The following CNOT1 variants were observed in gnomAD, a reference collection of about 807,000 sequenced individuals.
CNOT1 encodes the protein CCR4-NOT transcription complex subunit 1.
Under a neutral mutation model 273.8 loss-of-function variants are expected in CNOT1, and 15 were observed. That is an observed-to-expected ratio of 0.05 (90% CI 0.04 to 0.08). The LOEUF is 0.08. Ranked by LOEUF, CNOT1 falls within the 10% of genes least tolerant of loss-of-function variation. The pLI is 1.00. For synonymous variants in CNOT1, 1,022 were observed against 1,005.5 expected (o/e 1.02, Z -0.31); for missense variants, 1,644 against 2,912.2 (o/e 0.56, Z 10.02).
rs948445784 is a variant in CNOT1, at chr16:58,578,896, C to T, written c.1387G>A (p.Val463Ile). The change falls in exon 13 of 49, where the codon GTT becomes ATT. Residue 463 changes from valine to isoleucine, a missense_variant. Physicochemically the swap from Val to Ile is conservative, Grantham distance 29. Transcript: ENST00000317147. The part of the protein sequence containing the change: ...LIESLLRLAE[V>I]GQYEQVKQLF... ...TGTTTGACTTGCTCATACTGCCCAACCTCTGCAAGCCTCAGCAGAGATTCA... is the reference window on the plus strand; with the variant it reads ...TGTTTGACTTGCTCATACTGCCCAATCTCTGCAAGCCTCAGCAGAGATTCA... 6.2e-7 allele frequency: 1 copy of T among 1,614,056 alleles called. No homozygotes were observed. The highest frequency in any genetic ancestry group is 1.3e-5 in the African/African-American group (1 of 74,932).
At position 58,578,626 on chromosome 16, in the gene CNOT1, TG is replaced by T; in HGVS notation, c.1584+72del. On this transcript the variant is annotated intron_variant, in intron 13 of 48. Transcript: ENST00000317147. ...AGATGTAAAAAAAAATTTCTCTGGTTGAGCTTCCTCAACACTCCAAAGAAGA... is the reference window on the plus strand; with the variant it reads ...AGATGTAAAAAAAAATTTCTCTGGTTAGCTTCCTCAACACTCCAAAGAAGA... 3 of 1,551,836 alleles carry T rather than the reference TG, an allele frequency of 1.9e-6. No individual in the cohort carries two copies. The South Asian group carries it at 3.7e-5, about 19-fold the overall frequency.
intron 17 of CNOT1, chr16:58,559,743 CG>C: frequency 2.1e-6 from 1 of 476,670 alleles, no homozygotes; most frequent in South Asian, 1.5e-5. Flanking sequence ...AAAATAGAAG[CG>C]CAATATGTTG....
At chr16:58,527,170 C>T (rs1424849781) in intron 44 of CNOT1, among the ~76,000 whole-genome samples, 8 of 152,020 alleles carry the variant, frequency 5.3e-5, no homozygotes, top group Non-Finnish European at 1.2e-4. Flanking sequence ...TCTAATTAAC[C>T]TCAAATCGAA....
intron 27 of CNOT1, 106 bp from the exon 28 acceptor site, chr16:58,546,855 T>C (rs528878425): frequency 7.3e-7 from 1 of 1,370,422 alleles, no homozygotes; most frequent in South Asian, 1.3e-5. Context: ...GTCAAACAAA[T>C]AAAAAACAAA....
intron 1 of CNOT1, among the ~76,000 whole-genome samples, chr16:58,622,707 TGTG>T (rs1370966946): frequency 6.7e-6 from 1 of 149,492 alleles, no homozygotes; most frequent in African/African-American, 2.5e-5. Flanking sequence ...ATTAGCCAGA[TGTG>T]GTGGTGGGCA....
At position 58,558,639 on chromosome 16, in the gene CNOT1, T is replaced by A; in HGVS notation, c.2166A>T (p.Ile722=). Reference sequence around the variant, plus strand: ...GGGTGTGAGGGGCAGCTGAACCACCTATACTAAGAGATGTCATTCCAGCAA... The same window carrying A: ...GGGTGTGAGGGGCAGCTGAACCACCAATACTAAGAGATGTCATTCCAGCAA... ...DPLAGMTSLS[I]GGSAAPHTQS... is the part of the protein sequence containing the mutation. Residue 722 remains isoleucine (I), a synonymous_variant, in exon 18 of 49, where the codon ATA becomes ATT. Coordinates refer to ENST00000317147, the MANE Select transcript of CNOT1 (RefSeq NM_016284.5). 1 of 1,613,804 alleles carries A rather than the reference T, an allele frequency of 6.2e-7. No homozygotes were observed. Among genetic ancestry groups the A allele is most frequent in the Non-Finnish European group, 8.5e-7 (1 of 1,179,908 alleles).
At chr16:58,596,805 G>A (rs1010511560) in intron 2 of CNOT1, among the ~76,000 whole-genome samples, 10 of 147,166 alleles carry the variant, frequency 6.8e-5, no homozygotes, top group Admixed American at 2.1e-4. Context: ...GGAGAATGGC[G>A]TGAACCTAGG....
intron 44 of CNOT1, among the ~76,000 whole-genome samples, chr16:58,527,546 CAAAT>C (rs929013716): frequency 2.0e-5 from 3 of 151,570 alleles, no homozygotes; most frequent in South Asian, 2.1e-4. Flanking sequence ...TAAATAAATA[CAAAT>C]AAATAATAAT....
intron 10 of CNOT1, 94 bp from the exon 11 acceptor site, chr16:58,581,609 G>A: frequency 7.0e-7 from 1 of 1,436,164 alleles, no homozygotes; most frequent in Non-Finnish European, 9.1e-7. Flanking sequence ...ATTCAATTTA[G>A]ATGTTCTACT....
chr16:58,545,345 A>T lies in CNOT1; in HGVS notation c.4137+16T>A. 2.5e-6 allele frequency: 4 copies of T among 1,610,760 alleles called. No individual in the cohort carries two copies. Among genetic ancestry groups the T allele is most frequent in the Non-Finnish European group, 3.4e-6 (4 of 1,178,764 alleles). On this transcript the variant is annotated intron_variant, in intron 30 of 48. Coordinates refer to ENST00000317147, the MANE Select transcript of CNOT1 (RefSeq NM_016284.5). ...CACAAACTAGAAGCTGGGAGAATGGAGCAGTGTTTACTTACTGTTGGATTC... is the reference window on the plus strand; with the variant it reads ...CACAAACTAGAAGCTGGGAGAATGGTGCAGTGTTTACTTACTGTTGGATTC...
At chr16:58,549,179 C>T (rs193218677) in intron 25 of CNOT1, among the ~76,000 whole-genome samples, 5 of 151,244 alleles carry the variant, frequency 3.3e-5, no homozygotes, top group Admixed American at 2.0e-4. Context: ...CCCAGCTACT[C>T]GGGAGGCTGA....
intron 1 of CNOT1, among the ~76,000 whole-genome samples, chr16:58,612,299 A>G (rs183946950): frequency 1.3e-5 from 2 of 152,336 alleles, no homozygotes; most frequent in Non-Finnish European, 2.9e-5. Context: ...TACTAAAAAA[A>G]TACTAAATAC....
At chr16:58,533,717 C>G (rs1567389872) in intron 40 of CNOT1, among the ~76,000 whole-genome samples, 1 of 152,118 alleles carries the variant, frequency 6.6e-6, no homozygotes, top group Admixed American at 6.6e-5. Flanking sequence ...CCCAGCTACT[C>G]ACGAGGCTGA....
intron 1 of CNOT1, among the ~76,000 whole-genome samples, chr16:58,611,152 A>T (rs1305720545): frequency 6.6e-6 from 1 of 151,402 alleles, no homozygotes; most frequent in African/African-American, 2.4e-5. Flanking sequence ...AGTCAGGCTG[A>T]GTGCGGTGGC....
intron 40 of CNOT1, chr16:58,532,650 T>C (rs957044898): frequency 1.5e-5 from 7 of 477,242 alleles, no homozygotes; most frequent in African/African-American, 1.9e-5. Context: ...TGCCCAATGG[T>C]TCTTCTTCAG....
intron 44 of CNOT1, among the ~76,000 whole-genome samples, chr16:58,527,087 T>C (rs2039615253): frequency 6.6e-6 from 1 of 152,150 alleles, no homozygotes; most frequent in Non-Finnish European, 1.5e-5. Flanking sequence ...AGATTTTAAG[T>C]GGTCCTCTCT....
At chr16:58,603,139 A>T (rs531105254) in intron 1 of CNOT1, among the ~76,000 whole-genome samples, 11 of 152,308 alleles carry the variant, frequency 7.2e-5, no homozygotes, top group Admixed American at 5.2e-4. Flanking sequence ...TCTCACCTGG[A>T]TTACTATGCT....
intron 2 of CNOT1, among the ~76,000 whole-genome samples, chr16:58,596,110 C>T (rs753950996): frequency 6.6e-6 from 1 of 152,204 alleles, no homozygotes; most frequent in Non-Finnish European, 1.5e-5. Context: ...ACACTGACAG[C>T]ACCTGTGTGC....
chr16:58,623,407 C>T (rs2043433413), intron 1 of CNOT1: 1 of 152,090 alleles, frequency 6.6e-6, no homozygotes, highest in South Asian at 2.1e-4. Flanking sequence ...GGGTGCTGGT[C>T]ACCTGAAAGA....
Sources: allele counts gnomAD v4.1 joint callset (sites outside exome capture counted in the v4.1 genomes callset), GRCh38; gene constraint gnomAD v4.1.1; transcripts MANE v1.5; gene names NCBI Gene and HGNC (gene_info 2026-07-23, HGNC 2026-07-21).